The following SIAE variants were observed in gnomAD, a reference collection of about 807,000 sequenced individuals.
SIAE encodes sialic acid acetylesterase, also known as sialate O-acetylesterase.
A neutral mutation model predicts 52.6 loss-of-function variants in SIAE; 39 were observed. The observed-to-expected ratio is 0.74, with a 90% CI of 0.57 to 0.97. SIAE has a LOEUF of 0.97. SIAE is among the 50% of genes least tolerant of loss of function. SIAE has a pLI of 0.00. For missense variants in SIAE, 592 were observed against 662.1 expected, an observed-to-expected ratio of 0.89 and a Z score of 1.16; for synonymous variants, 233 against 241.4, an observed-to-expected ratio of 0.97 and a Z score of 0.32.
rs751675012 is a variant in SIAE, at chr11:124,634,761, AAAGT to A, written c.*2186_*2189del. The A allele has an allele frequency of 9.2e-5, 14 of 152,238 alleles. No individual in the cohort carries two copies. Among genetic ancestry groups the A allele is most frequent in the East Asian group, 3.8e-4 (2 of 5,206 alleles). The allele number at this position is 152,238 out of a possible 1,614,324, so 9.4% of individuals were successfully genotyped here. A position where few individuals can be genotyped will look rare whatever the true frequency, so the allele number is the denominator to read the frequency against. On this transcript the variant is annotated 3_prime_UTR_variant, in exon 10 of 10. Transcript: ENST00000263593. ...ATTTACATAAGAAAATTATTTTGGTAAAGTAAGTAAGTCAAAAACACAGATTACA... is the reference window on the plus strand; with the variant it reads ...ATTTACATAAGAAAATTATTTTGGTAAAGTAAGTCAAAAACACAGATTACA...
chr11:124,640,144 A>T (rs1041339578), intron 7 of SIAE, among the ~76,000 whole-genome samples: 2 of 152,104 alleles, frequency 1.3e-5, no homozygotes, highest in Non-Finnish European at 2.9e-5. Context: ...GCTTTGACCC[A>T]TAGAATGCAG....
chr11:124,673,109 A>T (rs748667164), intron 1 of SIAE, among the ~76,000 whole-genome samples: 54 of 152,126 alleles, frequency 3.5e-4, no homozygotes, highest in Non-Finnish European at 6.5e-4. Flanking sequence ...ATCAAAACTG[A>T]GCCTTAAATA....
At chr11:124,664,727 T>C (rs1943248076) in intron 2 of SIAE, among the ~76,000 whole-genome samples, 1 of 152,260 alleles carries the variant, frequency 6.6e-6, no homozygotes, top group South Asian at 2.1e-4. Flanking sequence ...TTCTTGTTTT[T>C]TCTTCTTGCC....
At position 124,660,814 on chromosome 11, in the gene SIAE, A is replaced by G; in HGVS notation, c.230-11T>C. On this transcript the variant is annotated splice_polypyrimidine_tract_variant and intron_variant, in intron 2 of 9. Coordinates refer to ENST00000263593, the MANE Select transcript of SIAE (RefSeq NM_170601.5). ...ACGTATCAGAGTGAGCTGAAATAGT[A>G]ACAGGACTCCAAGGAATTAATCAAT... 1 of 1,614,024 alleles carries G rather than the reference A, an allele frequency of 6.2e-7. No homozygotes were observed. Among genetic ancestry groups the G allele is most frequent in the Non-Finnish European group, 8.5e-7 (1 of 1,179,870 alleles).
chr11:124,669,213 A>G, intron 2 of SIAE, 147 bp downstream of exon 2: 1 of 1,103,252 alleles, frequency 9.1e-7, no homozygotes, highest in African/African-American at 1.5e-5. Flanking sequence ...AGCACATGGC[A>G]AATATTCAAA....
At position 124,649,756 on chromosome 11, in the gene SIAE, C is replaced by T. The variant is rs780313338; in HGVS notation, c.585G>A (p.Val195=). Residue 195 remains valine (V), a synonymous_variant, in exon 5 of 10, where the codon GTG becomes GTA. Coordinates refer to ENST00000263593, the MANE Select transcript of SIAE (RefSeq NM_170601.5). ...GHGYFKYMSA[V]CWLFGRHLYD... ...AAAGGTGACGTCCAAAGAGCCAGCACACTGCTGACATGTACTTGAAATATC... is the reference window on the plus strand; with the variant it reads ...AAAGGTGACGTCCAAAGAGCCAGCATACTGCTGACATGTACTTGAAATATC... The T allele has an allele frequency of 6.2e-7, 1 of 1,614,208 alleles. No individual in the cohort carries two copies. The highest frequency in any genetic ancestry group is 8.5e-7 in the Non-Finnish European group (1 of 1,180,032).
At chr11:124,673,767 G>C, upstream of SIAE, 1 of 1,583,222 alleles carries the variant, frequency 6.3e-7, no homozygotes, top group Non-Finnish European at 8.6e-7. Flanking sequence ...GCAGGGGCGG[G>C]GCCTGGGCGG....
chr11:124,656,876 C>T (rs929036577), intron 3 of SIAE, among the ~76,000 whole-genome samples: 1 of 152,122 alleles, frequency 6.6e-6, no homozygotes, highest in African/African-American at 2.4e-5. Flanking sequence ...CACAGGAGGC[C>T]GGGTACGTTC....
In SIAE at chr11:124,636,491, TCTC is replaced by T. The variant is rs1341825644; in HGVS notation, c.*457_*459del. ...GCCATATCACCCTGAACGCGCCTGA[TCTC>T]ATCTGATCTCGGAAGCTAAGCAGGG... On this transcript the variant is annotated 3_prime_UTR_variant, in exon 10 of 10. Transcript: ENST00000263593. 9.2e-6 allele frequency: 2 copies of T among 217,400 alleles called. No individual in the cohort carries two copies. The highest frequency in any genetic ancestry group is 1.9e-5 in the Non-Finnish European group (2 of 107,722). The allele number at this position is 217,400 out of a possible 1,614,324, so 13.5% of individuals were successfully genotyped here.
At position 124,634,776 on chromosome 11, in the gene SIAE, A is replaced by G. The variant is rs1158598288; in HGVS notation, c.*2175T>C. On this transcript the variant is annotated 3_prime_UTR_variant, in exon 10 of 10. Coordinates refer to ENST00000263593, the MANE Select transcript of SIAE (RefSeq NM_170601.5). ...TTATTTTGGTAAAGTAAGTAAGTCA[A>G]AAACACAGATTACAAAATAATATGT... 3.9e-5 allele frequency: 6 copies of G among 152,362 alleles called. No homozygotes were observed. The highest frequency in any genetic ancestry group is 4.8e-5 in the African/African-American group (2 of 41,580). The allele number at this position is 152,362 out of a possible 1,614,324, so 9.4% of individuals were successfully genotyped here. A position where few individuals can be genotyped will look rare whatever the true frequency, so the allele number is the denominator to read the frequency against.
At chr11:124,672,361 T>C (rs1943377381) in intron 1 of SIAE, among the ~76,000 whole-genome samples, 1 of 152,180 alleles carries the variant, frequency 6.6e-6, no homozygotes. Context: ...AGACTGGCAA[T>C]GTTCTAGTTC....
intron 4 of SIAE, among the ~76,000 whole-genome samples, chr11:124,653,959 A>AT (rs1943055809): frequency 6.6e-6 from 1 of 152,066 alleles, no homozygotes; most frequent in African/African-American, 2.4e-5. Flanking sequence ...TGGGCGGATC[A>AT]TGAGGTCAGG....
chr11:124,673,736 G>A lies in SIAE; in HGVS notation c.-28C>T. ...TTGCAAGGATCTGACCGCCGCCTAG[G>A]ACTGGGAAAGTGGGTTCCCGGCAGG... On this transcript the variant is annotated 5_prime_UTR_variant, in exon 1 of 10. Coordinates refer to ENST00000263593, the MANE Select transcript of SIAE (RefSeq NM_170601.5). 6.2e-7 allele frequency: 1 copy of A among 1,610,726 alleles called. No individual in the cohort carries two copies. The highest frequency in any genetic ancestry group is 8.5e-7 in the Non-Finnish European group (1 of 1,178,706).
At chr11:124,649,836 G>A (rs777814548) in intron 4 of SIAE, 40 bp from the exon 5 acceptor site, 9 of 1,608,968 alleles carry the variant, frequency 5.6e-6, no homozygotes, top group Non-Finnish European at 7.7e-6. Context: ...GCCAGAGAAA[G>A]GTTGATGGAT....
intron 2 of SIAE, among the ~76,000 whole-genome samples, chr11:124,667,933 T>C (rs1362794972): frequency 6.6e-6 from 1 of 152,170 alleles, no homozygotes; most frequent in African/African-American, 2.4e-5. Context: ...CATCTCTTGC[T>C]TGGATATCAC....
At chr11:124,654,622 T>C (rs375461666) in intron 4 of SIAE, 33 bp downstream of exon 4, 3 of 1,613,892 alleles carry the variant, frequency 1.9e-6, no homozygotes, top group African/African-American at 1.3e-5. Context: ...TAACCCATTA[T>C]ATAAGAGACA....
upstream of SIAE, chr11:124,673,821 G>T (rs1943415576): frequency 1.6e-6 from 2 of 1,247,776 alleles, no homozygotes; most frequent in Non-Finnish European, 2.3e-6. Context: ...GCAGCCTCCC[G>T]CGACCTCAGG....
At chr11:124,675,359 C>T (rs772095553), upstream of SIAE, 4 of 1,614,144 alleles carry the variant, frequency 2.5e-6, no homozygotes, top group Admixed American at 1.7e-5. Context: ...AGAGAGCAAC[C>T]GGACAATATA....
At chr11:124,673,574 G>A (rs1312303213) in intron 1 of SIAE, 68 bp downstream of exon 1, 2 of 1,532,044 alleles carry the variant, frequency 1.3e-6, no homozygotes, top group Non-Finnish European at 1.8e-6. Context: ...GTGTCCCGCA[G>A]AGGACACGGG....
Sources: gnomAD v4.1 joint callset for allele counts (sites outside exome capture counted in the v4.1 genomes callset) on GRCh38, gnomAD v4.1.1 for gene constraint, MANE v1.5 for transcripts, NCBI Gene and HGNC (gene_info 2026-07-23, HGNC 2026-07-21) for gene names.